ANK2: variants seen among roughly 807,000 people sequenced by gnomAD.
The protein encoded by ANK2 is ankyrin-2.
Under a neutral mutation model 360.5 loss-of-function variants are expected in ANK2, and 83 were observed. The observed-to-expected ratio is 0.23, with a 90% confidence interval of 0.19 to 0.28. The LOEUF (loss-of-function observed/expected upper bound fraction) is 0.28, where lower values mean the gene tolerates loss of function less well. Ranked by LOEUF, ANK2 falls within the 10% of genes least tolerant of loss-of-function variation. The pLI, the probability that ANK2 is intolerant of heterozygous loss-of-function variation, is 1.00. For synonymous variants in ANK2, 1,740 were observed against 1,759.5 expected (o/e 0.99, Z 0.28); for missense variants, 4,201 against 4,795.7 (o/e 0.88, Z 3.66).
chr4:113,336,744 A>G lies in ANK2; in HGVS notation c.3759A>G (p.Gly1253=). ...ATGTCATGTTGAATGGTTTTGGGGG[A>G]GATGCACCAACCTTAAGATTACTAT... ...SSDVMLNGFG[G]DAPTLRLLCS... The change falls in exon 31 of 46, where the codon GGA becomes GGG. Residue 1253 remains glycine, a synonymous_variant. Coordinates refer to ENST00000357077, the MANE Select transcript of ANK2 (RefSeq NM_001148.6). 6.2e-7 allele frequency: 1 copy of G among 1,614,086 alleles called. No homozygotes were observed.
chr4:113,153,476 T>G (rs953023313), intron 1 of ANK2, among the ~76,000 whole-genome samples: 1 of 152,090 alleles, frequency 6.6e-6, no homozygotes, highest in Non-Finnish European at 1.5e-5. Context: ...AGAAAAAGAG[T>G]ATTTTTCAGG....
In ANK2 at chr4:113,381,787, T is replaced by C. The variant is rs2097177873; in HGVS notation, c.*316T>C. ...AAATATACGGCATTTTGCTTTAGTT[T>C]TCCCCCATCCTCTTTAACTATAAAG... On this transcript the variant is annotated 3_prime_UTR_variant, in exon 46 of 46. Coordinates refer to ENST00000357077, the MANE Select transcript of ANK2 (RefSeq NM_001148.6). 1 of 805,328 alleles carries C rather than the reference T, an allele frequency of 1.2e-6. No homozygotes were observed. The highest frequency in any genetic ancestry group is 1.7e-5 in the South Asian group (1 of 58,604). 49.9% of individuals were successfully genotyped at this position (805,328 alleles called of 1,614,324 possible).
intron 1 of ANK2, among the ~76,000 whole-genome samples, chr4:113,170,143 T>G (rs2097893160): frequency 6.6e-6 from 1 of 152,224 alleles, no homozygotes; most frequent in Non-Finnish European, 1.5e-5. Flanking sequence ...TCTCTTTATT[T>G]GCTTGGAGAG....
chr4:113,311,501 G>A, intron 24 of ANK2, 102 bp downstream of exon 24: 2 of 1,408,326 alleles, frequency 1.4e-6, no homozygotes, highest in African/African-American at 1.4e-5. Context: ...CATTTAATAG[G>A]TACCTTATTA....
At chr4:112,800,403 GTA>G in the ANK2 span, among the ~76,000 whole-genome samples, 2 of 152,152 alleles carry the variant, frequency 1.3e-5, no homozygotes, top group Non-Finnish European at 2.9e-5. Flanking sequence ...GCGTGTGTGT[GTA>G]TGTGTGTGTG....
chr4:113,311,241 C>G lies in ANK2; in HGVS notation c.2549-14C>G, dbSNP rs1205764288. The G allele has an allele frequency of 1.2e-6, 2 of 1,614,048 alleles. No homozygotes were observed. Among genetic ancestry groups the G allele is most frequent in the East Asian group, 2.2e-5 (1 of 44,860 alleles). ...TCAAGAAATAATCCTGCTTCTTCCT[C>G]TGATTGTTTCAAGGTGATGACACAA... is the stretch of plus-strand genomic sequence containing the variant. On this transcript the variant is annotated splice_polypyrimidine_tract_variant and intron_variant, in intron 23 of 45. Coordinates refer to ENST00000357077, the MANE Select transcript of ANK2 (RefSeq NM_001148.6).
chr4:112,753,113 A>C, the ANK2 span, among the ~76,000 whole-genome samples: 1 of 152,206 alleles, frequency 6.6e-6, no homozygotes, highest in Non-Finnish European at 1.5e-5. Flanking sequence ...CTCGAGCCTC[A>C]GGCCATTTCC....
intron 2 of ANK2, among the ~76,000 whole-genome samples, chr4:112,959,360 A>T (rs1054544724): frequency 2.6e-5 from 4 of 152,192 alleles, no homozygotes; most frequent in Non-Finnish European, 4.4e-5. Flanking sequence ...AACAGGCTCC[A>T]TTATAAGGTG....
intron 2 of ANK2, among the ~76,000 whole-genome samples, chr4:113,192,310 C>T (rs931834307): frequency 2.0e-5 from 3 of 152,202 alleles, no homozygotes; most frequent in African/African-American, 4.8e-5. Context: ...CAGGTCTTGA[C>T]TAAACTTCTT....
intron 1 of ANK2, among the ~76,000 whole-genome samples, chr4:113,163,342 C>A (rs754877095): frequency 2.6e-5 from 4 of 152,170 alleles, no homozygotes; most frequent in Admixed American, 2.0e-4. Flanking sequence ...GAAAGCTGTG[C>A]ATCCCCATTT....
chr4:112,850,072 G>T (rs2064298289), intron 1 of ANK2, among the ~76,000 whole-genome samples: 1 of 152,152 alleles, frequency 6.6e-6, no homozygotes, highest in East Asian at 1.9e-4. Context: ...TATACCACTG[G>T]ATCCCTTACC....
intron 1 of ANK2, among the ~76,000 whole-genome samples, chr4:112,897,299 T>G (rs1170561190): frequency 6.6e-6 from 1 of 152,214 alleles, no homozygotes; most frequent in East Asian, 1.9e-4. Context: ...CAATATTCCC[T>G]TTCTTTGTTC....
At chr4:113,314,005 G>T (rs919229231) in intron 24 of ANK2, among the ~76,000 whole-genome samples, 1 of 152,144 alleles carries the variant, frequency 6.6e-6, no homozygotes, top group Non-Finnish European at 1.5e-5. Context: ...ACATTAGCAT[G>T]GCTTTCCCCA....
the ANK2 span, among the ~76,000 whole-genome samples, chr4:112,707,767 C>G: frequency 1.3e-5 from 2 of 152,116 alleles, no homozygotes; most frequent in Non-Finnish European, 1.5e-5. Context: ...CTGTAAAGCA[C>G]TTTTATTGAT....
At chr4:112,856,914 G>T (rs2066572132) in intron 1 of ANK2, among the ~76,000 whole-genome samples, 2 of 152,154 alleles carry the variant, frequency 1.3e-5, no homozygotes, top group African/African-American at 4.8e-5. Context: ...AGGGGGTCAG[G>T]GTTGGAAAAT....
intron 15 of ANK2, among the ~76,000 whole-genome samples, chr4:113,277,560 C>T (rs758197531): frequency 6.6e-6 from 1 of 152,164 alleles, no homozygotes; most frequent in Non-Finnish European, 1.5e-5. Flanking sequence ...TTTACTGACA[C>T]TAGTGGCTTT....
At chr4:112,781,852 CAG>C in the ANK2 span, among the ~76,000 whole-genome samples, 2 of 109,100 alleles carry the variant, frequency 1.8e-5, no homozygotes, top group African/African-American at 3.9e-5. Context: ...TTTTTTGAGA[CAG>C]AGTCTCACTC....
rs766400799 is a variant in ANK2, at chr4:113,356,297, C to G, written c.7679C>G (p.Pro2560Arg). ...VTPKTTDVST[P>R]KPAVIHECAE... ...CCCAAAACCACAGATGTAAGTACAC[C>G]AAAACCAGCTGTGATTCATGAATGT... Residue 2560 changes from proline (P) to arginine (R), a missense_variant, in exon 38 of 46, where the codon CCA (proline) becomes CGA (arginine). By Grantham distance (103) the Pro-to-Arg change is moderately radical. This residue lies in a region of ANK2 where 2,642 missense variants were observed against 2,714.5 expected (regional missense o/e 0.97). Coordinates refer to ENST00000357077, the MANE Select transcript of ANK2 (RefSeq NM_001148.6). 1 of 1,614,054 alleles carries G rather than the reference C, an allele frequency of 6.2e-7. No individual in the cohort carries two copies. Among genetic ancestry groups the G allele is most frequent in the Non-Finnish European group, 8.5e-7 (1 of 1,179,994 alleles).
chr4:113,125,114 A>T (rs1484010520), intron 1 of ANK2, among the ~76,000 whole-genome samples: 1 of 152,170 alleles, frequency 6.6e-6, no homozygotes, highest in African/African-American at 2.4e-5. Flanking sequence ...ATTAATTACC[A>T]ATTTTAACTC....
Sources: allele counts gnomAD v4.1 joint callset (sites outside exome capture counted in the v4.1 genomes callset), GRCh38; gene constraint gnomAD v4.1.1; regional missense constraint gnomAD v4.1.1; transcripts MANE v1.5; gene names NCBI Gene and HGNC (gene_info 2026-07-23, HGNC 2026-07-21).